Variants in PGBD2 observed in about 807,000 individuals in gnomAD.
PGBD2 encodes the protein piggyBac transposable element derived 2.
A neutral mutation model predicts 8.1 loss-of-function variants in PGBD2; 6 were observed. The observed-to-expected ratio is 0.74, with a 90% CI of 0.40 to 1.46. The LOEUF (loss-of-function observed/expected upper bound fraction) is 1.46. Among genes scored for constraint, PGBD2 ranks in the 40% most tolerant of loss-of-function variants. The probability of loss-of-function intolerance (pLI) is 0.02; values close to 1 mark genes in which losing one functional copy is unlikely to be tolerated. For synonymous variants in PGBD2, 318 were observed against 272.2 expected, an observed-to-expected ratio of 1.17 and a Z score of -1.66; for missense variants, 802 against 739.0, an observed-to-expected ratio of 1.09 and a Z score of -0.99.
downstream of PGBD2, among the ~76,000 whole-genome samples, chr1:248,920,805 G>C (rs1662269258): frequency 6.6e-6 from 1 of 152,176 alleles, no homozygotes; most frequent in Non-Finnish European, 1.5e-5. Context: ...TCCAGCATCT[G>C]TTGTTTCCTG....
the PGBD2 span, among the ~76,000 whole-genome samples, chr1:248,883,854 C>T: frequency 2.6e-5 from 4 of 152,014 alleles, no homozygotes; most frequent in South Asian, 2.1e-4. Context: ...GCCTCGGCCT[C>T]CCAAAGTGCT....
At chr1:248,873,921 T>C in the PGBD2 span, among the ~76,000 whole-genome samples, 7 of 152,202 alleles carry the variant, frequency 4.6e-5, no homozygotes, top group East Asian at 3.8e-4. Context: ...GGCTTTCTGG[T>C]CTCCGGATGG....
chr1:248,905,337 G>A (rs1661602604), upstream of PGBD2, among the ~76,000 whole-genome samples: 2 of 152,200 alleles, frequency 1.3e-5, no homozygotes, highest in Non-Finnish European at 2.9e-5. Context: ...GGATTTCTGT[G>A]TTCAAAGCCT....
the PGBD2 span, among the ~76,000 whole-genome samples, chr1:248,897,370 A>G: frequency 1.3e-4 from 19 of 151,862 alleles, no homozygotes; most frequent in Non-Finnish European, 2.4e-4. Context: ...CAGGTTATAA[A>G]TGACCCTGTC....
upstream of PGBD2, among the ~76,000 whole-genome samples, chr1:248,904,454 C>CT (rs571417394): frequency 0.011 from 1,733 of 152,270 alleles, 28 homozygotes; most frequent in African/African-American, 0.04. Flanking sequence ...TGGTCCCGAT[C>CT]TTTTTATTAA....
chr1:248,891,032 G>T, the PGBD2 span, among the ~76,000 whole-genome samples: 2 of 151,966 alleles, frequency 1.3e-5, no homozygotes, highest in Non-Finnish European at 2.9e-5. Flanking sequence ...ATACACGCAG[G>T]CATGCACATA....
the PGBD2 span, among the ~76,000 whole-genome samples, chr1:248,927,587 T>TAA: frequency 1.3e-5 from 2 of 152,238 alleles, no homozygotes; most frequent in South Asian, 4.1e-4. Context: ...AGACATTATA[T>TAA]AACACATGTA....
At chr1:248,893,742 G>A in the PGBD2 span, among the ~76,000 whole-genome samples, 1 of 151,978 alleles carries the variant, frequency 6.6e-6, no homozygotes, top group Admixed American at 6.6e-5. Context: ...TTATTCTTTT[G>A]GCTACATACC....
chr1:248,925,190 A>C, the PGBD2 span, among the ~76,000 whole-genome samples: 2 of 152,220 alleles, frequency 1.3e-5, no homozygotes, highest in Non-Finnish European at 2.9e-5. Context: ...CAAAAAACCA[A>C]GTGTTACCTG....
At chr1:248,921,061 T>C (rs1271913059), downstream of PGBD2, among the ~76,000 whole-genome samples, 1 of 152,148 alleles carries the variant, frequency 6.6e-6, no homozygotes, top group Non-Finnish European at 1.5e-5. Context: ...GATGAGTAGA[T>C]TGCAAAAATT....
In PGBD2 at chr1:248,917,956, G is replaced by C. The variant is rs1558290447; in HGVS notation, c.1372G>C (p.Glu458Gln). 6.2e-7 allele frequency: 1 copy of C among 1,614,244 alleles called. No individual in the cohort carries two copies. Among genetic ancestry groups the C allele is most frequent in the Non-Finnish European group, 8.5e-7 (1 of 1,180,040 alleles). Reference sequence around the variant, plus strand: ...GCCATCACTGGTGAAGCTGTATCAGGAGAAGGTGGGTGGCGTTGGTAGGAT... The same window carrying C: ...GCCATCACTGGTGAAGCTGTATCAGCAGAAGGTGGGTGGCGTTGGTAGGAT... ...HQPSLVKLYQ[E>Q]KVGGVGRMDQ... Residue 458 changes from glutamate to glutamine, a missense_variant, in exon 3 of 3, where the codon GAG becomes CAG. Transcript: ENST00000329291.
chr1:248,905,041 C>T (rs1661595644), upstream of PGBD2, among the ~76,000 whole-genome samples: 1 of 152,168 alleles, frequency 6.6e-6, no homozygotes, highest in Admixed American at 6.5e-5. Flanking sequence ...GGGAACAAAG[C>T]AAGTTAGAAA....
the PGBD2 span, among the ~76,000 whole-genome samples, chr1:248,888,332 C>T: frequency 3.3e-5 from 5 of 152,208 alleles, no homozygotes; most frequent in African/African-American, 1.2e-4. Flanking sequence ...AATCTCCTAA[C>T]TGCTTTCCAC....
At chr1:248,905,023 A>G (rs151119249), upstream of PGBD2, among the ~76,000 whole-genome samples, 714 of 152,342 alleles carry the variant, frequency 4.7e-3, 3 homozygotes, top group Non-Finnish European at 6.9e-3. Flanking sequence ...AATGAGACAC[A>G]GGATCTGGGG....
chr1:248,928,644 G>A, the PGBD2 span, among the ~76,000 whole-genome samples: 3 of 152,218 alleles, frequency 2.0e-5, no homozygotes, highest in African/African-American at 7.2e-5. Context: ...TCCAGGAACA[G>A]TAAGAGGACC....
chr1:248,915,581 C>A (rs1000145049), intron 2 of PGBD2, among the ~76,000 whole-genome samples: 5 of 152,178 alleles, frequency 3.3e-5, no homozygotes, highest in African/African-American at 1.2e-4. Flanking sequence ...ATTTTTAACT[C>A]ATGATGGGTT....
chr1:248,878,274 A>G, the PGBD2 span, among the ~76,000 whole-genome samples: 230 of 151,326 alleles, frequency 1.5e-3, no homozygotes, highest in African/African-American at 4.8e-3. Flanking sequence ...CCGCCTCCCG[A>G]GTTCAAGCGA....
the PGBD2 span, among the ~76,000 whole-genome samples, chr1:248,884,753 G>A: frequency 6.6e-6 from 1 of 152,188 alleles, no homozygotes; most frequent in East Asian, 1.9e-4. Context: ...TTTAATTTCA[G>A]TTGAATGAGT....
the PGBD2 span, among the ~76,000 whole-genome samples, chr1:248,897,616 G>A: frequency 9.2e-5 from 14 of 152,288 alleles, no homozygotes; most frequent in Middle Eastern, 3.4e-3. Flanking sequence ...GCAGCTGCTC[G>A]GGAAGGCACA....
Sources: gnomAD v4.1 joint callset for allele counts (sites outside exome capture counted in the v4.1 genomes callset) on GRCh38, gnomAD v4.1.1 for gene constraint, MANE v1.5 for transcripts, NCBI Gene and HGNC (gene_info 2026-07-23, HGNC 2026-07-21) for gene names.